The following NRG3 variants were observed in gnomAD, a reference collection of about 807,000 sequenced individuals.
NRG3 encodes neuregulin 3.
NRG3 carries 31 observed loss-of-function variants against 66.9 expected under a neutral mutation model. That is an observed-to-expected ratio of 0.46 (90% CI 0.35 to 0.63). The LOEUF (loss-of-function observed/expected upper bound fraction) is 0.63, where lower values mean the gene tolerates loss of function less well. NRG3 is among the 20% of genes least tolerant of loss of function. The pLI is 0.00. For missense variants in NRG3, 910 were observed against 878.9 expected (o/e 1.04, Z -0.45); for synonymous variants, 393 against 359.4 (o/e 1.09, Z -1.06).
intron 1 of NRG3, among the ~76,000 whole-genome samples, chr10:81,928,467 A>G (rs539127339): frequency 6.6e-6 from 1 of 152,250 alleles, no homozygotes; most frequent in African/African-American, 2.4e-5. Context: ...TATTAAAACA[A>G]ATTATTTGAA....
chr10:82,478,873 C>T (rs925484985), intron 2 of NRG3, among the ~76,000 whole-genome samples: 3 of 152,100 alleles, frequency 2.0e-5, no homozygotes, highest in Non-Finnish European at 2.9e-5. Flanking sequence ...ATTGATTGGG[C>T]GAAGTGGATT....
intron 4 of NRG3, among the ~76,000 whole-genome samples, chr10:82,880,209 A>G (rs994529409): frequency 6.6e-6 from 1 of 152,122 alleles, no homozygotes; most frequent in Admixed American, 6.5e-5. Context: ...TGAAATCGCC[A>G]TAACCTGAGT....
chr10:82,240,053 C>T (rs2076939919), intron 1 of NRG3, among the ~76,000 whole-genome samples: 2 of 151,580 alleles, frequency 1.3e-5, no homozygotes, highest in African/African-American at 2.4e-5. Context: ...AAAGTTTTTC[C>T]TATTTGTGTG....
At chr10:82,088,111 A>G (rs2133481077) in intron 1 of NRG3, among the ~76,000 whole-genome samples, 1 of 152,254 alleles carries the variant, frequency 6.6e-6, no homozygotes, top group African/African-American at 2.4e-5. Flanking sequence ...TCCCTGTAGG[A>G]TGTAGAGAAA....
rs1044574208 is a variant in NRG3, at chr10:82,214,473, C to G, written c.824-144266C>G. 2.6e-5 allele frequency among the ~76,000 whole-genome samples: 4 copies of G among 152,052 alleles called. No individual in the cohort carries two copies. In the East Asian group the frequency reaches 7.7e-4, roughly 29 times the overall value. The stretch of plus-strand genomic sequence containing the variant: ...CATATCATCACATCTATTTCCACCC[C>G]CCGCCCTTGGAGACAAGGTCTCACT... On this transcript the variant is annotated intron_variant, in intron 1 of 8. Transcript: ENST00000372141.
intron 2 of NRG3, among the ~76,000 whole-genome samples, chr10:82,628,775 T>C (rs1027102925): frequency 6.6e-6 from 1 of 152,140 alleles, no homozygotes; most frequent in Non-Finnish European, 1.5e-5. Flanking sequence ...AATTGAAACT[T>C]TGGGGACTTT....
chr10:81,979,117 AG>A (rs1188541767), intron 1 of NRG3, among the ~76,000 whole-genome samples: 1 of 142,710 alleles, frequency 7.0e-6, no homozygotes, highest in Admixed American at 7.6e-5. Flanking sequence ...TGAACCTGGG[AG>A]GCAGAGGTTG....
chr10:81,876,072 G>C lies in NRG3; in HGVS notation c.732G>C (p.Leu244=). ...ACGATTCTACTCCCTCCTGGACCCT[G>C]TCTCCCTTTCAGGATGCTGCCTCCT... is the stretch of plus-strand genomic sequence containing the variant. ...YLHDSTPSWT[L]SPFQDAASSS... Residue 244 remains leucine (L), a synonymous_variant, in exon 1 of 9, where the codon CTG becomes CTC. Transcript: ENST00000372141. 1 of 1,613,772 alleles carries C rather than the reference G, an allele frequency of 6.2e-7. No homozygotes were observed. The highest frequency in any genetic ancestry group is 8.5e-7 in the Non-Finnish European group (1 of 1,179,994).
Position 82,500,632 on chromosome 10 carries a change from G to A in NRG3, c.953+141764G>A, listed in dbSNP as rs1844083459. 3.2e-5 allele frequency among the ~76,000 whole-genome samples: 3 copies of A among 94,198 alleles called. No individual in the cohort carries two copies. In the South Asian group the frequency reaches 1.6e-3, roughly 52 times the overall value. The allele number at this position is 94,198 out of a possible 152,430, so 61.8% of individuals were successfully genotyped here. Reference sequence around the variant, plus strand: ...GGGTCTTTAGAATCTTTGTCCTTTGGCAATAAGGAGGAAGCAGTAGAACAA... The same window carrying A: ...GGGTCTTTAGAATCTTTGTCCTTTGACAATAAGGAGGAAGCAGTAGAACAA... On this transcript the variant is annotated intron_variant, in intron 2 of 8. Coordinates refer to ENST00000372141, the MANE Select transcript of NRG3 (RefSeq NM_001010848.4).
At chr10:82,378,355 G>C (rs1162499873) in intron 2 of NRG3, among the ~76,000 whole-genome samples, 2 of 152,206 alleles carry the variant, frequency 1.3e-5, no homozygotes, top group Non-Finnish European at 2.9e-5. Flanking sequence ...AGCTCATGGG[G>C]CTCTGGAGCT....
intron 1 of NRG3, among the ~76,000 whole-genome samples, chr10:82,266,151 GA>G (rs1161292533): frequency 8.5e-5 from 13 of 152,140 alleles, no homozygotes; most frequent in Non-Finnish European, 5.9e-5. Context: ...TGGGACCAAT[GA>G]ATACAGTTCA....
chr10:82,959,531 A>T (rs1164024097), intron 6 of NRG3, among the ~76,000 whole-genome samples: 1 of 152,110 alleles, frequency 6.6e-6, no homozygotes, highest in Non-Finnish European at 1.5e-5. Flanking sequence ...TGGGAGGTGG[A>T]TGGGGGTAGA....
chr10:82,910,289 A>G (rs1472866366), intron 4 of NRG3, among the ~76,000 whole-genome samples: 2 of 152,262 alleles, frequency 1.3e-5, no homozygotes, highest in East Asian at 1.9e-4. Flanking sequence ...GAATAAGTCT[A>G]TAATGCTGAT....
chr10:82,371,675 T>G (rs1443743253), intron 2 of NRG3, among the ~76,000 whole-genome samples: 1 of 152,214 alleles, frequency 6.6e-6, no homozygotes, highest in Non-Finnish European at 1.5e-5. Flanking sequence ...AAGGTTTCTT[T>G]GGCTCATGAT....
chr10:82,868,961 G>A (rs1291297191), intron 4 of NRG3, among the ~76,000 whole-genome samples: 1 of 152,032 alleles, frequency 6.6e-6, no homozygotes, highest in East Asian at 1.9e-4. Context: ...CAAAGTGCTG[G>A]GATTACAGAC....
intron 1 of NRG3, among the ~76,000 whole-genome samples, chr10:82,201,219 A>G (rs751964156): frequency 3.5e-5 from 5 of 141,376 alleles, no homozygotes; most frequent in Non-Finnish European, 7.7e-5. Context: ...AAAAAAAAAG[A>G]CAGCTGTGGT....
intron 8 of NRG3, 92 bp from the exon 9 acceptor site, chr10:82,985,006 A>T: frequency 6.9e-7 from 1 of 1,450,986 alleles, no homozygotes; most frequent in Non-Finnish European, 9.5e-7. Context: ...ATTCAGTGAG[A>T]TGGTGCATGT....
chr10:82,946,602 G>C (rs1441115141), intron 4 of NRG3, among the ~76,000 whole-genome samples: 3 of 151,958 alleles, frequency 2.0e-5, no homozygotes, highest in Admixed American at 2.0e-4. Context: ...GGACTGAAAT[G>C]GTAGACATAA....
rs746339471 is a variant in NRG3 at position 81,876,158 on chromosome 10, A to C, written c.818A>C (p.Lys273Thr). 1.3e-6 allele frequency: 2 copies of C among 1,580,428 alleles called. No homozygotes were observed. The highest frequency in any genetic ancestry group is 4.6e-5 in the East Asian group (2 of 43,020). Residue 273 changes from lysine (K) to threonine (T), a missense_variant, in exon 1 of 9, where the codon AAA becomes ACA. Physicochemically the swap from Lys to Thr is moderately conservative, Grantham distance 78. Transcript: ENST00000372141. The part of the protein sequence containing the change: ...TTTPETSTSP[K>T]FHTTTYSTER... ...ACACCAGAAACTAGCACCAGCCCCA[A>C]ATTTCGTAAGTAAACACTGTGTCTC...
Sources: allele counts gnomAD v4.1 joint callset (sites outside exome capture counted in the v4.1 genomes callset), GRCh38; gene constraint gnomAD v4.1.1; transcripts MANE v1.5; gene names NCBI Gene and HGNC (gene_info 2026-07-23, HGNC 2026-07-21).